Variants in DNAH17 observed in about 807,000 individuals in gnomAD.
DNAH17 encodes the protein dynein axonemal heavy chain 17.
DNAH17 carries 376 observed loss-of-function variants against 485.6 expected under a neutral mutation model. The ratio of observed to expected loss-of-function variants is 0.77; its 90% CI spans 0.71 to 0.84. DNAH17 has a LOEUF of 0.84. Ranked by LOEUF, DNAH17 falls within the 40% of genes least tolerant of loss-of-function variation. The probability of loss-of-function intolerance (pLI) is 0.00; values close to 1 mark genes in which losing one functional copy is unlikely to be tolerated. For synonymous variants in DNAH17, 3,031 were observed against 2,405.9 expected, an observed-to-expected ratio of 1.26 and a Z score of -7.60; for missense variants, 6,370 against 5,839.3, an observed-to-expected ratio of 1.09 and a Z score of -2.96.
Position 78,476,623 on chromosome 17 carries a change from G to A in DNAH17, c.8103C>T (p.Asp2701=), listed in dbSNP as rs981190624. The A allele has an allele frequency of 1.2e-6, 2 of 1,611,668 alleles. No homozygotes were observed. The highest frequency in any genetic ancestry group is 1.3e-5 in the African/African-American group (1 of 74,858). ...TGGTGACTCTATGCAATGTTTCCTGGTCTTTTTCGTCAACCATTTTGTCAC... is the reference window on the plus strand; with the variant it reads ...TGGTGACTCTATGCAATGTTTCCTGATCTTTTTCGTCAACCATTTTGTCAC... ...VYGDKMVDEK[D]QETLHRVTMA... Residue 2701 remains aspartate, a synonymous_variant, in exon 52 of 81, where the codon GAC becomes GAT. Transcript: ENST00000389840.
intron 54 of DNAH17, among the ~76,000 whole-genome samples, chr17:78,473,898 T>C (rs2088889923): frequency 6.6e-6 from 1 of 152,036 alleles, no homozygotes; most frequent in Non-Finnish European, 1.5e-5. Context: ...ACTAACTCCA[T>C]CAGATGCGCT....
chr17:78,520,318 G>A (rs754054167), intron 25 of DNAH17, among the ~76,000 whole-genome samples: 3 of 152,176 alleles, frequency 2.0e-5, no homozygotes, highest in Admixed American at 1.3e-4. Flanking sequence ...ACAATGCAAG[G>A]ATGTGTGAAC....
chr17:78,512,100 C>G (rs1159988877), intron 26 of DNAH17, among the ~76,000 whole-genome samples: 1 of 152,194 alleles, frequency 6.6e-6, no homozygotes, highest in Non-Finnish European at 1.5e-5. Context: ...CCTAGGTGGG[C>G]ACCCTCCTGG....
At chr17:78,469,211 G>T (rs900187109) in intron 54 of DNAH17, among the ~76,000 whole-genome samples, 6 of 151,974 alleles carry the variant, frequency 3.9e-5, no homozygotes, top group Non-Finnish European at 8.8e-5. Flanking sequence ...ATGCAATCTC[G>T]GCTCACTGCA....
intron 54 of DNAH17, among the ~76,000 whole-genome samples, chr17:78,473,717 A>G (rs2146588078): frequency 6.6e-6 from 1 of 152,204 alleles, no homozygotes; most frequent in East Asian, 1.9e-4. Context: ...CCCAACAGGA[A>G]GGATCAGGGA....
intron 48 of DNAH17, among the ~76,000 whole-genome samples, chr17:78,482,959 G>A (rs762005450): frequency 6.6e-6 from 1 of 152,190 alleles, no homozygotes; most frequent in Non-Finnish European, 1.5e-5. Context: ...AAGGGCACAT[G>A]ACCGTGTGCA....
intron 38 of DNAH17, 85 bp from the exon 39 acceptor site, chr17:78,495,182 C>A (rs1598582544): frequency 1.4e-6 from 2 of 1,447,350 alleles, no homozygotes; most frequent in Admixed American, 4.8e-5. Context: ...CCTAGGAGAG[C>A]ACACCTCGAC....
intron 49 of DNAH17, 67 bp downstream of exon 49, chr17:78,480,617 T>C: frequency 5.1e-6 from 7 of 1,382,056 alleles, no homozygotes; most frequent in Non-Finnish European, 7.0e-6. Context: ...AAGCTTTTCC[T>C]CTCATTTGCC....
chr17:78,462,836 T>A lies in DNAH17; in HGVS notation c.9174+8A>T, dbSNP rs558191049. 3 of 1,613,528 alleles carry A rather than the reference T, an allele frequency of 1.9e-6. No homozygotes were observed. The highest frequency in any genetic ancestry group is 2.5e-6 in the Non-Finnish European group (3 of 1,179,768). Reference sequence around the variant, plus strand: ...CACAGGAGCTGGCAGCCAGCCCCCCTCTCCTACCTGGGAAGCCGTGCTCTG... The same window carrying A: ...CACAGGAGCTGGCAGCCAGCCCCCCACTCCTACCTGGGAAGCCGTGCTCTG... On this transcript the variant is annotated splice_region_variant and intron_variant, in intron 57 of 80. Transcript: ENST00000389840.
chr17:78,428,464 CCCT>C (rs2086557866), intron 77 of DNAH17, 58 bp downstream of exon 77: 2 of 1,542,884 alleles, frequency 1.3e-6, no homozygotes, highest in Non-Finnish European at 1.8e-6. Context: ...CCCTGTGACC[CCCT>C]CCTCAGTTCT....
Position 78,509,115 on chromosome 17 carries a change from C to T in DNAH17, c.4236+1269G>A, listed in dbSNP as rs1359640376. Among the ~76,000 whole-genome samples, 12 of 81,742 alleles carry T rather than the reference C, an allele frequency of 1.5e-4. 3 individuals carry two copies. Among genetic ancestry groups the T allele is most frequent in the Admixed American group, 1.1e-3 (11 of 10,122 alleles). The allele number at this position is 81,742 out of a possible 152,430, so 53.6% of individuals were successfully genotyped here. ...CCAAAGCGCTGGGATTACAGGCATG[C>T]GCCACCACGCCTGGCTAATTTTTGT... On this transcript the variant is annotated intron_variant, in intron 27 of 80. Coordinates refer to ENST00000389840, the MANE Select transcript of DNAH17 (RefSeq NM_173628.4).
intron 12 of DNAH17, 43 bp downstream of exon 12, chr17:78,561,672 C>T (rs2092157956): frequency 6.4e-7 from 1 of 1,560,910 alleles, no homozygotes; most frequent in East Asian, 2.3e-5. Context: ...TCTCCCGCAC[C>T]ATGGAGGCGG....
At chr17:78,563,601 T>G (rs190240245) in intron 11 of DNAH17, among the ~76,000 whole-genome samples, 1 of 152,250 alleles carries the variant, frequency 6.6e-6, no homozygotes, top group East Asian at 1.9e-4. Flanking sequence ...CATTTCTCTC[T>G]CCTCCTTTTC....
intron 1 of DNAH17, among the ~76,000 whole-genome samples, chr17:78,575,648 C>T (rs2092423580): frequency 6.6e-6 from 1 of 152,114 alleles, no homozygotes; most frequent in Admixed American, 6.5e-5. Context: ...CCAGCGTGCA[C>T]CCCTAAAAGA....
intron 50 of DNAH17, 31 bp downstream of exon 50, chr17:78,479,454 A>AT: frequency 1.3e-6 from 2 of 1,578,418 alleles, no homozygotes. Context: ...GGTTTTACCG[A>AT]TGGGAGAGGG....
chr17:78,540,049 C>T lies in DNAH17; in HGVS notation c.2533-169G>A, dbSNP rs370667904. Among the ~76,000 whole-genome samples, 31 of 152,266 alleles carry T rather than the reference C, an allele frequency of 2.0e-4. No individual in the cohort carries two copies. The East Asian group carries it at 4.8e-3, about 24-fold the overall frequency. ...CCGCCTTCCTACTCGAGGCTTTGCACGGCTGCTCCCTCACTTTCTTGCTGG... is the reference window on the plus strand; with the variant it reads ...CCGCCTTCCTACTCGAGGCTTTGCATGGCTGCTCCCTCACTTTCTTGCTGG... On this transcript the variant is annotated intron_variant, in intron 17 of 80. Transcript: ENST00000389840.
At chr17:78,546,680 T>C (rs2091772002) in intron 16 of DNAH17, among the ~76,000 whole-genome samples, 1 of 152,202 alleles carries the variant, frequency 6.6e-6, no homozygotes, top group Non-Finnish European at 1.5e-5. Flanking sequence ...CCAAGGCTGA[T>C]GGATCACCTG....
intron 27 of DNAH17, among the ~76,000 whole-genome samples, chr17:78,509,142 T>C (rs1410472889): frequency 1.8e-5 from 1 of 55,476 alleles, no homozygotes; most frequent in Non-Finnish European, 3.9e-5. Context: ...AATTTTTGTA[T>C]TTTTAGCAAA....
At chr17:78,493,595 G>C (rs2089951371) in intron 41 of DNAH17, among the ~76,000 whole-genome samples, 1 of 152,242 alleles carries the variant, frequency 6.6e-6, no homozygotes, top group Non-Finnish European at 1.5e-5. Context: ...AACAATAGCA[G>C]AAGGGTCCAG....
Sources: allele counts gnomAD v4.1 joint callset (sites outside exome capture counted in the v4.1 genomes callset), GRCh38; gene constraint gnomAD v4.1.1; transcripts MANE v1.5; gene names NCBI Gene and HGNC (gene_info 2026-07-23, HGNC 2026-07-21).